The following SLC4A8 variants were observed in gnomAD, a reference collection of about 807,000 sequenced individuals.
SLC4A8 encodes electroneutral sodium bicarbonate exchanger 1.
In SLC4A8, 40 loss-of-function variants were observed where a neutral mutation model predicts 125.0. That is an observed-to-expected ratio of 0.32 (90% CI 0.25 to 0.42). The LOEUF (loss-of-function observed/expected upper bound fraction) is 0.42. SLC4A8 is among the 10% of genes least tolerant of loss of function. The pLI, the probability that SLC4A8 is intolerant of heterozygous loss-of-function variation, is 1.00. For missense variants in SLC4A8, 863 were observed against 1,355.1 expected (o/e 0.64, Z 5.70); for synonymous variants, 456 against 476.0 (o/e 0.96, Z 0.55).
chr12:51,464,215 C>A (rs1165801068), intron 11 of SLC4A8, among the ~76,000 whole-genome samples: 1 of 152,126 alleles, frequency 6.6e-6, no homozygotes, highest in Non-Finnish European at 1.5e-5. Flanking sequence ...AGGGCAGAGG[C>A]TCTATTATAT....
chr12:51,441,733 C>T (rs1262583603), intron 2 of SLC4A8, among the ~76,000 whole-genome samples: 6 of 152,146 alleles, frequency 3.9e-5, no homozygotes, highest in African/African-American at 1.4e-4. Flanking sequence ...TGCCTGTTCC[C>T]GTGACAGTTT....
chr12:51,471,499 T>C lies in SLC4A8; in HGVS notation c.1871T>C (p.Met624Thr). The C allele has an allele frequency of 6.2e-7, 1 of 1,614,228 alleles. No homozygotes were observed. The highest frequency in any genetic ancestry group is 1.1e-5 in the South Asian group (1 of 91,086). Residue 624 changes from methionine (M) to threonine (T), a missense_variant, in exon 14 of 25, where the codon ATG becomes ACG. Physicochemically the swap from Met to Thr is moderately conservative, Grantham distance 81 (BLOSUM62 -1). Coordinates refer to ENST00000453097, the MANE Select transcript of SLC4A8 (RefSeq NM_001039960.3). ...CTGGCAGAGACCTACCCCATCCACA[T>C]GCACAGCCAGCTGGACCACCTTAGC... ...IHLAETYPIH[M>T]HSQLDHLSLY...
intron 1 of SLC4A8, 102 bp from the exon 2 acceptor site, chr12:51,440,606 T>C: frequency 1.2e-6 from 1 of 802,860 alleles, no homozygotes; most frequent in South Asian, 1.8e-5. Context: ...TAAACAATTG[T>C]GTTTCCCCCG....
rs778375745 is a variant in SLC4A8, at chr12:51,488,693, C to T, written c.2287-6C>T. ...AAATACAAAAATAATATATTTTCCC[C>T]CTTAGCCAACAAGGGATGATCGCGG... On this transcript the variant is annotated splice_polypyrimidine_tract_variant and splice_region_variant and intron_variant, in intron 17 of 24. Transcript: ENST00000453097. 1 of 1,611,310 alleles carries T rather than the reference C, an allele frequency of 6.2e-7. No individual in the cohort carries two copies. The highest frequency in any genetic ancestry group is 8.5e-7 in the Non-Finnish European group (1 of 1,178,212).
chr12:51,490,415 C>T (rs535247017), intron 19 of SLC4A8, among the ~76,000 whole-genome samples: 5 of 151,842 alleles, frequency 3.3e-5, no homozygotes, highest in East Asian at 1.9e-4. Context: ...CAAAATTAGC[C>T]GGGTGTGGTG....
At chr12:51,419,771 T>A (rs11169835) in intron 1 of SLC4A8, among the ~76,000 whole-genome samples, 11,226 of 152,312 alleles carry the variant, frequency 0.074, 518 homozygotes, top group East Asian at 0.22. Context: ...GGTTTTGCCA[T>A]TTCACTTGAA....
intron 1 of SLC4A8, among the ~76,000 whole-genome samples, chr12:51,435,566 T>C (rs1001326502): frequency 1.3e-5 from 2 of 152,148 alleles, no homozygotes; most frequent in African/African-American, 4.8e-5. Context: ...GAGACCAGCC[T>C]GGGCAACATA....
chr12:51,488,122 C>G (rs754807531), intron 17 of SLC4A8, among the ~76,000 whole-genome samples: 9 of 152,220 alleles, frequency 5.9e-5, no homozygotes, highest in African/African-American at 9.6e-5. Flanking sequence ...TGAAGATTGA[C>G]TGTTTCAAAG....
rs938108020 is a variant in SLC4A8, at chr12:51,515,149, A to G, written c.*7711A>G. Reference sequence around the variant, plus strand: ...TTGGGCTTCGCTTAGCAGGTTTGCAATTGACTTCAACATGCAGGCTTTTCA... The same window carrying G: ...TTGGGCTTCGCTTAGCAGGTTTGCAGTTGACTTCAACATGCAGGCTTTTCA... On this transcript the variant is annotated 3_prime_UTR_variant, in exon 25 of 25. Coordinates refer to ENST00000453097, the MANE Select transcript of SLC4A8 (RefSeq NM_001039960.3). 2.6e-5 allele frequency: 4 copies of G among 152,242 alleles called. No homozygotes were observed. Among genetic ancestry groups the G allele is most frequent in the African/African-American group, 4.8e-5 (2 of 41,464 alleles). 9.4% of individuals were successfully genotyped at this position (152,242 alleles called of 1,614,324 possible).
intron 22 of SLC4A8, chr12:51,497,328 A>AT: frequency 1.8e-6 from 1 of 549,884 alleles, no homozygotes. Flanking sequence ...ACAACCACTT[A>AT]TTTTTTCCTT....
At chr12:51,422,756 C>T (rs1948820008), upstream of SLC4A8, among the ~76,000 whole-genome samples, 1 of 152,176 alleles carries the variant, frequency 6.6e-6, no homozygotes, top group East Asian at 1.9e-4. Flanking sequence ...GGGCCATGTG[C>T]ATTATTATTC....
chr12:51,410,389 T>A (rs942288749), intron 1 of SLC4A8, among the ~76,000 whole-genome samples: 3 of 152,318 alleles, frequency 2.0e-5, no homozygotes, highest in South Asian at 2.1e-4. Flanking sequence ...TATTTTCCCA[T>A]CAAGTATGAT....
intron 1 of SLC4A8, among the ~76,000 whole-genome samples, chr12:51,397,926 GGC>G (rs1422651416): frequency 1.3e-5 from 2 of 152,048 alleles, no homozygotes; most frequent in Non-Finnish European, 2.9e-5. Flanking sequence ...AAATTAGCCA[GGC>G]ATGGTTGTGT....
intron 8 of SLC4A8, 82 bp from the exon 9 acceptor site, chr12:51,461,122 G>T: frequency 3.2e-6 from 2 of 623,222 alleles, no homozygotes; most frequent in Non-Finnish European, 5.7e-6. Context: ...ATAAGAGAGA[G>T]AAATCTTATA....
In SLC4A8 at chr12:51,507,711, G is replaced by A. The variant is rs1385819804; in HGVS notation, c.*273G>A. ...CTCCTCTTCCTTCTTTTTCTCTTTAGAACGGCCACCATTGAAGACCTAGCT... is the reference window on the plus strand; with the variant it reads ...CTCCTCTTCCTTCTTTTTCTCTTTAAAACGGCCACCATTGAAGACCTAGCT... On this transcript the variant is annotated 3_prime_UTR_variant, in exon 25 of 25. Coordinates refer to ENST00000453097, the MANE Select transcript of SLC4A8 (RefSeq NM_001039960.3). 9.1e-6 allele frequency: 3 copies of A among 327,890 alleles called. No individual in the cohort carries two copies. Among genetic ancestry groups the A allele is most frequent in the Non-Finnish European group, 1.1e-5 (2 of 180,568 alleles). The allele number at this position is 327,890 out of a possible 1,614,324, so 20.3% of individuals were successfully genotyped here. A position where few individuals can be genotyped will look rare whatever the true frequency, so the allele number is the denominator to read the frequency against.
intron 22 of SLC4A8, among the ~76,000 whole-genome samples, chr12:51,500,519 GTAT>G (rs1225205361): frequency 1.3e-5 from 2 of 151,530 alleles, no homozygotes; most frequent in Non-Finnish European, 2.9e-5. Flanking sequence ...GTTTCTATTT[GTAT>G]CATGATATTT....
intron 1 of SLC4A8, among the ~76,000 whole-genome samples, chr12:51,414,504 A>G (rs988614535): frequency 9.2e-5 from 14 of 152,264 alleles, no homozygotes; most frequent in Non-Finnish European, 1.9e-4. Context: ...TAATCCTGGC[A>G]TTTTGGGAAG....
chr12:51,483,355 A>AC (rs34933558), intron 16 of SLC4A8, among the ~76,000 whole-genome samples: 655 of 35,434 alleles, frequency 0.018, 10 homozygotes, highest in African/African-American at 9.0e-3. Context: ...TCTCACACAC[A>AC]AAAAAAAAAA....
At position 51,471,551 on chromosome 12, in the gene SLC4A8, T is replaced by G; in HGVS notation, c.1904+19T>G. On this transcript the variant is annotated intron_variant, in intron 14 of 24. Transcript: ENST00000453097. ...TCTATTAGTAAGTGTGCTTTCTGCTTATTTTTAAAAATTGAGCAAAGGGCC... is the reference window on the plus strand; with the variant it reads ...TCTATTAGTAAGTGTGCTTTCTGCTGATTTTTAAAAATTGAGCAAAGGGCC... 1 of 1,606,850 alleles carries G rather than the reference T, an allele frequency of 6.2e-7. No homozygotes were observed. The highest frequency in any genetic ancestry group is 8.5e-7 in the Non-Finnish European group (1 of 1,175,958).
Sources: allele counts gnomAD v4.1 joint callset (sites outside exome capture counted in the v4.1 genomes callset), GRCh38; gene constraint gnomAD v4.1.1; transcripts MANE v1.5; gene names NCBI Gene and HGNC (gene_info 2026-07-23, HGNC 2026-07-21).